GRM7: variants seen among roughly 807,000 people sequenced by gnomAD.
The protein encoded by GRM7 is metabotropic glutamate receptor 7.
GRM7 carries 35 observed loss-of-function variants against 84.5 expected under a neutral mutation model. The ratio of observed to expected loss-of-function variants is 0.41; its 90% CI spans 0.32 to 0.55. GRM7 has a LOEUF of 0.55. Ranked by LOEUF, GRM7 falls within the 20% of genes least tolerant of loss-of-function variation. The pLI is 0.19. For synonymous variants in GRM7, 487 were observed against 455.1 expected (o/e 1.07, Z -0.89); for missense variants, 1,003 against 1,194.6 (o/e 0.84, Z 2.36).
intron 6 of GRM7, 147 bp downstream of exon 6, chr3:7,452,954 A>G (rs1054359491): frequency 1.7e-5 from 10 of 605,260 alleles, no homozygotes; most frequent in Non-Finnish European, 2.9e-5. Context: ...CAATGCATGA[A>G]TGAGCAAATG....
intron 1 of GRM7, among the ~76,000 whole-genome samples, chr3:6,940,095 T>C (rs1236688767): frequency 6.6e-6 from 1 of 152,154 alleles, no homozygotes; most frequent in Non-Finnish European, 1.5e-5. Context: ...TTATTATGTA[T>C]TTATTTATTT....
intron 2 of GRM7, among the ~76,000 whole-genome samples, chr3:7,148,268 G>T (rs541974302): frequency 6.6e-6 from 1 of 152,176 alleles, no homozygotes; most frequent in Admixed American, 6.5e-5. Flanking sequence ...GGCTGACTTA[G>T]AAACATATCA....
intron 2 of GRM7, among the ~76,000 whole-genome samples, chr3:7,231,493 T>A (rs1697195572): frequency 6.6e-6 from 1 of 152,182 alleles, no homozygotes; most frequent in African/African-American, 2.4e-5. Flanking sequence ...TCTATATTGG[T>A]CAAGTCTCAA....
intron 2 of GRM7, among the ~76,000 whole-genome samples, chr3:7,282,370 T>C (rs1193010275): frequency 6.6e-6 from 1 of 152,224 alleles, no homozygotes; most frequent in Non-Finnish European, 1.5e-5. Context: ...TTCCAGATTG[T>C]AGAGGCTGCT....
At chr3:7,390,981 CTT>C (rs1433277954) in intron 4 of GRM7, among the ~76,000 whole-genome samples, 1 of 151,796 alleles carries the variant, frequency 6.6e-6, no homozygotes, top group Non-Finnish European at 1.5e-5. Context: ...TGAGCTGACA[CTT>C]TTTGTTGTTG....
intron 2 of GRM7, among the ~76,000 whole-genome samples, chr3:7,201,253 A>T (rs1474370801): frequency 6.6e-6 from 1 of 152,082 alleles, no homozygotes; most frequent in African/African-American, 2.4e-5. Flanking sequence ...ATTGAGTTTC[A>T]GGGAGGAAAC....
chr3:7,183,138 T>C (rs1425354334), intron 2 of GRM7, among the ~76,000 whole-genome samples: 2 of 152,156 alleles, frequency 1.3e-5, no homozygotes, highest in Non-Finnish European at 2.9e-5. Context: ...TGTGCCTAAG[T>C]AGGCATATTT....
In GRM7 at chr3:7,629,815, GT is replaced by G. The variant is rs552617737; in HGVS notation, c.2452-50226del. Among the ~76,000 whole-genome samples the G allele has an allele frequency of 5.3e-3, 809 of 152,046 alleles. 11 individuals carry two copies. Among genetic ancestry groups the G allele is most frequent in the African/African-American group, 0.018 (760 of 41,478 alleles). On this transcript the variant is annotated intron_variant, in intron 8 of 9. Transcript: ENST00000357716. ...ATAAGAAACTTGTTTTACATTCCAAGTTTTTTTTAAATCTCCCAGCCTAGTA... is the reference window on the plus strand; with the variant it reads ...ATAAGAAACTTGTTTTACATTCCAAGTTTTTTTAAATCTCCCAGCCTAGTA...
At chr3:7,650,815 C>T (rs1177755271) in intron 8 of GRM7, among the ~76,000 whole-genome samples, 1 of 152,128 alleles carries the variant, frequency 6.6e-6, no homozygotes, top group African/African-American at 2.4e-5. Flanking sequence ...CCTCCTGGCT[C>T]CAAGAGATTC....
intron 9 of GRM7, among the ~76,000 whole-genome samples, chr3:7,684,886 T>A (rs1470627558): frequency 6.6e-6 from 1 of 152,204 alleles, no homozygotes; most frequent in Non-Finnish European, 1.5e-5. Flanking sequence ...CAAATAAGAC[T>A]TCCATTGCTA....
chr3:7,302,931 A>AT (rs761399796), intron 3 of GRM7, among the ~76,000 whole-genome samples: 2,123 of 121,384 alleles, frequency 0.017, 94 homozygotes, highest in African/African-American at 0.06. Context: ...TGATTGTTCT[A>AT]TTTTTTTTTT....
chr3:7,175,620 C>T (rs1157408815), intron 2 of GRM7, among the ~76,000 whole-genome samples: 1 of 151,022 alleles, frequency 6.6e-6, no homozygotes, highest in African/African-American at 2.4e-5. Flanking sequence ...TCACTGCAAC[C>T]TCTGCCTCCA....
At chr3:7,022,326 G>GA (rs34326639) in intron 1 of GRM7, among the ~76,000 whole-genome samples, 17 of 144,450 alleles carry the variant, frequency 1.2e-4, no homozygotes, top group Non-Finnish European at 1.5e-4. Flanking sequence ...CTCTGGCTCA[G>GA]AAAAAAAAAA....
intron 8 of GRM7, among the ~76,000 whole-genome samples, chr3:7,634,653 G>A (rs1697999428): frequency 1.3e-5 from 2 of 151,830 alleles, no homozygotes; most frequent in Non-Finnish European, 2.9e-5. Context: ...AATTAGCCGG[G>A]CGTGGCGGTG....
intron 4 of GRM7, among the ~76,000 whole-genome samples, chr3:7,361,734 A>G (rs1009285319): frequency 2.6e-5 from 4 of 152,092 alleles, no homozygotes; most frequent in African/African-American, 9.7e-5. Context: ...GTGAGAGAAA[A>G]ACTCCACAAA....
intron 7 of GRM7, among the ~76,000 whole-genome samples, chr3:7,504,609 G>A (rs781574229): frequency 3.3e-5 from 5 of 152,108 alleles, no homozygotes; most frequent in Non-Finnish European, 5.9e-5. Context: ...GATAAGAAAA[G>A]GCAAGAGCAA....
chr3:7,698,707 A>G (rs1400693498), intron 9 of GRM7, among the ~76,000 whole-genome samples: 1 of 152,162 alleles, frequency 6.6e-6, no homozygotes, highest in Non-Finnish European at 1.5e-5. Context: ...GTTTAGCAAC[A>G]TCTTTGACTT....
Position 7,572,872 on chromosome 3 carries a change from ATATATAT to A in GRM7, c.1516-5549_1516-5543del, listed in dbSNP as rs1559411962. 9.9e-5 allele frequency among the ~76,000 whole-genome samples: 8 copies of A among 80,516 alleles called. 1 individual carries two copies. The highest frequency in any genetic ancestry group is 1.8e-4 in the Non-Finnish European group (7 of 38,924). The allele number at this position is 80,516 out of a possible 152,430, so 52.8% of individuals were successfully genotyped here. A position where few individuals can be genotyped will look rare whatever the true frequency, so the allele number is the denominator to read the frequency against. On this transcript the variant is annotated intron_variant, in intron 7 of 9. Coordinates refer to ENST00000357716, the MANE Select transcript of GRM7 (RefSeq NM_000844.4). ...TATATATATATATATATATATATAT[ATATATAT>A]AAATAATCTTTCTACCTATAATAAT...
chr3:7,683,006 G>A (rs148293331), intron 9 of GRM7, among the ~76,000 whole-genome samples: 166 of 152,298 alleles, frequency 1.1e-3, no homozygotes, highest in African/African-American at 3.8e-3. Flanking sequence ...TTGGACTAAA[G>A]CCCAGGTCTG....
Sources: allele counts gnomAD v4.1 joint callset (sites outside exome capture counted in the v4.1 genomes callset), GRCh38; gene constraint gnomAD v4.1.1; transcripts MANE v1.5; gene names NCBI Gene and HGNC (gene_info 2026-07-23, HGNC 2026-07-21).